The following NFATC3 variants were observed in gnomAD, a reference collection of about 807,000 sequenced individuals.
NFATC3 encodes the protein nuclear factor of activated T cells 3, also known as nuclear factor of activated T-cells, cytoplasmic 3.
A neutral mutation model predicts 98.6 loss-of-function variants in NFATC3; 46 were observed. The ratio of observed to expected loss-of-function variants is 0.47; its 90% CI spans 0.37 to 0.60. The LOEUF is 0.60. Ranked by LOEUF, NFATC3 falls within the 20% of genes least tolerant of loss-of-function variation. The pLI is 0.00. For missense variants in NFATC3, 1,256 were observed against 1,295.5 expected (o/e 0.97, Z 0.47); for synonymous variants, 512 against 472.2 (o/e 1.08, Z -1.09).
chr16:68,220,956 A>G (rs1297474175), intron 9 of NFATC3, among the ~76,000 whole-genome samples: 1 of 151,878 alleles, frequency 6.6e-6, no homozygotes, highest in Non-Finnish European at 1.5e-5. Flanking sequence ...TTTGTTGGCC[A>G]GGCTCTTCTT....
rs961920037 is a variant in NFATC3, at chr16:68,158,121, G to A, written c.1601+53G>A. The A allele has an allele frequency of 9.0e-6, 10 of 1,113,532 alleles. No individual in the cohort carries two copies. In the Admixed American group the frequency reaches 1.1e-4, roughly 12 times the overall value. 69.0% of individuals were successfully genotyped at this position (1,113,532 alleles called of 1,614,324 possible). ...AGTTCTTTTTTTCTCTATACTTTCAGAAAAAAAGTAAATATATTTTTGAAT... is the reference window on the plus strand; with the variant it reads ...AGTTCTTTTTTTCTCTATACTTTCAAAAAAAAAGTAAATATATTTTTGAAT... On this transcript the variant is annotated intron_variant, in intron 4 of 9. Transcript: ENST00000346183.
chr16:68,153,689 C>T (rs1324470239), intron 3 of NFATC3, among the ~76,000 whole-genome samples: 1 of 152,164 alleles, frequency 6.6e-6, no homozygotes, highest in Non-Finnish European at 1.5e-5. Context: ...TCTCAGCTCA[C>T]TGCAAGCTCC....
intron 9 of NFATC3, among the ~76,000 whole-genome samples, chr16:68,224,336 G>T (rs945129799): frequency 8.1e-5 from 12 of 148,900 alleles, no homozygotes; most frequent in African/African-American, 2.5e-4. Flanking sequence ...GAGTGCAGTG[G>T]CACGATCTTG....
rs952835724 is a variant in NFATC3 at position 68,224,274 on chromosome 16, C to CTTT, written c.3107-2058_3107-2056dup. Among the ~76,000 whole-genome samples, 339 of 121,652 alleles carry CTTT rather than the reference C, an allele frequency of 2.8e-3. 5 individuals carry two copies. Among genetic ancestry groups the CTTT allele is most frequent in the African/African-American group, 8.8e-3 (269 of 30,712 alleles). 79.8% of individuals were successfully genotyped at this position (121,652 alleles called of 152,430 possible). A position where few individuals can be genotyped will look rare whatever the true frequency, so the allele number is the denominator to read the frequency against. On this transcript the variant is annotated intron_variant, in intron 9 of 9. Transcript: ENST00000346183. ...AGTACTAACCACAGCTAAGCCAAATCTTTTTTTTTTTTTTTTTTTTGAGAC... is the reference window on the plus strand; with the variant it reads ...AGTACTAACCACAGCTAAGCCAAATCTTTTTTTTTTTTTTTTTTTTTTTGAGAC...
chr16:68,177,045 T>C (rs1455951083), intron 6 of NFATC3, among the ~76,000 whole-genome samples: 2 of 151,088 alleles, frequency 1.3e-5, no homozygotes, highest in Non-Finnish European at 2.9e-5. Flanking sequence ...TTTTTTTTTT[T>C]TGTTTTTTTA....
intron 3 of NFATC3, among the ~76,000 whole-genome samples, chr16:68,144,217 AT>A (rs1250177127): frequency 6.6e-6 from 1 of 152,228 alleles, no homozygotes; most frequent in Admixed American, 6.5e-5. Flanking sequence ...GGAAATGCAA[AT>A]TAAAACCACA....
intron 1 of NFATC3, among the ~76,000 whole-genome samples, chr16:68,091,183 C>G (rs1690150991): frequency 6.6e-6 from 1 of 152,094 alleles, no homozygotes; most frequent in African/African-American, 2.4e-5. Flanking sequence ...AGAAGTAATA[C>G]TGTAGTAGTT....
At chr16:68,160,059 C>T (rs549978564) in intron 4 of NFATC3, among the ~76,000 whole-genome samples, 13 of 151,872 alleles carry the variant, frequency 8.6e-5, no homozygotes, top group African/African-American at 2.7e-4. Context: ...AGCGAAACTC[C>T]GACTCAAAAA....
intron 4 of NFATC3, among the ~76,000 whole-genome samples, chr16:68,165,774 AG>A (rs1376857446): frequency 2.0e-5 from 3 of 152,196 alleles, no homozygotes; most frequent in Non-Finnish European, 4.4e-5. Flanking sequence ...AATAAGCATT[AG>A]GGTTGGAACT....
intron 5 of NFATC3, among the ~76,000 whole-genome samples, chr16:68,167,810 CTTTTTTTTTTTTTTTTT>C (rs35302776): frequency 0.018 from 422 of 23,880 alleles, no homozygotes; most frequent in Non-Finnish European, 0.018. Context: ...CGTATGTGTT[CTTTTTTTTTTTTTTTTT>C]TTTTTTTTTT....
Position 68,085,495 on chromosome 16 carries a change from C to A in NFATC3, c.-187C>A. 1 of 508,186 alleles carries A rather than the reference C, an allele frequency of 2.0e-6. No individual in the cohort carries two copies. Among genetic ancestry groups the A allele is most frequent in the South Asian group, 2.7e-5 (1 of 37,070 alleles). The allele number at this position is 508,186 out of a possible 1,614,324, so 31.5% of individuals were successfully genotyped here. A position where few individuals can be genotyped will look rare whatever the true frequency, so the allele number is the denominator to read the frequency against. ...GGCGGCTGCGGTTCCTGGTGCTGCT[C>A]GGCGCGCGGCCAGCTTTCGGAACGG... On this transcript the variant is annotated 5_prime_UTR_variant, in exon 1 of 10. Transcript: ENST00000346183.
intron 3 of NFATC3, among the ~76,000 whole-genome samples, chr16:68,151,743 C>A (rs1439918420): frequency 6.6e-6 from 1 of 152,180 alleles, no homozygotes; most frequent in Non-Finnish European, 1.5e-5. Context: ...CACCACCCTC[C>A]CCTGCAGAGG....
intron 4 of NFATC3, among the ~76,000 whole-genome samples, chr16:68,166,236 A>C (rs989707827): frequency 6.6e-6 from 1 of 152,154 alleles, no homozygotes; most frequent in Non-Finnish European, 1.5e-5. Flanking sequence ...ATTATTTTGC[A>C]TGATTCTTTG....
chr16:68,178,584 C>T (rs1166944682), intron 6 of NFATC3, among the ~76,000 whole-genome samples: 1 of 152,050 alleles, frequency 6.6e-6, no homozygotes, highest in Non-Finnish European at 1.5e-5. Flanking sequence ...CAAGATTATT[C>T]CAGATAAAAT....
chr16:68,214,246 A>G, intron 9 of NFATC3: 1 of 1,005,620 alleles, frequency 9.9e-7, no homozygotes, highest in Non-Finnish European at 1.5e-6. Flanking sequence ...ATTATAGAAA[A>G]AAAACAGGCT....
At chr16:68,158,642 T>G (rs2038733361) in intron 4 of NFATC3, among the ~76,000 whole-genome samples, 1 of 152,254 alleles carries the variant, frequency 6.6e-6, no homozygotes, top group African/African-American at 2.4e-5. Flanking sequence ...GCTGCATAAG[T>G]CATTAGGGCC....
At chr16:68,194,739 A>G (rs1292409114) in intron 9 of NFATC3, among the ~76,000 whole-genome samples, 2 of 152,332 alleles carry the variant, frequency 1.3e-5, no homozygotes, top group East Asian at 3.9e-4. Flanking sequence ...GCCCAAAGCT[A>G]GAACCTGCTC....
chr16:68,226,534 TG>T lies in NFATC3; in HGVS notation c.*66del. The stretch of plus-strand genomic sequence containing the variant: ...TCAGCATGTTTCTCTCCTTGGACCT[TG>T]GGTTTCCAACTCTGCAGCCTTCAGG... On this transcript the variant is annotated 3_prime_UTR_variant, in exon 10 of 10. Coordinates refer to ENST00000346183, the MANE Select transcript of NFATC3 (RefSeq NM_173165.3). 3 of 1,439,160 alleles carry T rather than the reference TG, an allele frequency of 2.1e-6. No individual in the cohort carries two copies. The highest frequency in any genetic ancestry group is 2.7e-6 in the Non-Finnish European group (3 of 1,098,052). 89.1% of individuals were successfully genotyped at this position (1,439,160 alleles called of 1,614,324 possible). A position where few individuals can be genotyped will look rare whatever the true frequency, so the allele number is the denominator to read the frequency against.
chr16:68,106,700 A>G (rs566530899), intron 1 of NFATC3, among the ~76,000 whole-genome samples: 5 of 151,546 alleles, frequency 3.3e-5, no homozygotes, highest in African/African-American at 9.7e-5. Context: ...AGCTGGGATT[A>G]CAGACGTGAG....
Sources: allele counts gnomAD v4.1 joint callset (sites outside exome capture counted in the v4.1 genomes callset), GRCh38; gene constraint gnomAD v4.1.1; transcripts MANE v1.5; gene names NCBI Gene and HGNC (gene_info 2026-07-23, HGNC 2026-07-21).